The following LNPEP variants were observed in gnomAD, a reference collection of about 807,000 sequenced individuals.
LNPEP encodes leucyl-cystinyl aminopeptidase.
A neutral mutation model predicts 120.6 loss-of-function variants in LNPEP; 64 were observed. The ratio of observed to expected loss-of-function variants is 0.53; its 90% CI spans 0.43 to 0.65. The LOEUF is 0.65. Ranked by LOEUF, LNPEP falls within the 30% of genes least tolerant of loss-of-function variation. LNPEP has a pLI of 0.00. For synonymous variants in LNPEP, 435 were observed against 425.4 expected, an observed-to-expected ratio of 1.02 and a Z score of -0.28; for missense variants, 1,057 against 1,200.0, an observed-to-expected ratio of 0.88 and a Z score of 1.76.
At chr5:96,975,894 A>G (rs1250577832) in intron 1 of LNPEP, among the ~76,000 whole-genome samples, 1 of 152,182 alleles carries the variant, frequency 6.6e-6, no homozygotes, top group Non-Finnish European at 1.5e-5. Context: ...AAATGTCTTC[A>G]GTTCTCTTAG....
At chr5:97,024,739 C>A (rs60280354) in intron 15 of LNPEP, 57 bp downstream of exon 15, 1 of 1,499,044 alleles carries the variant, frequency 6.7e-7, no homozygotes, top group Non-Finnish European at 9.1e-7. Flanking sequence ...AAACACTGTG[C>A]TCTTGGTCAG....
At chr5:97,009,288 T>C (rs1790867338) in intron 11 of LNPEP, among the ~76,000 whole-genome samples, 1 of 152,182 alleles carries the variant, frequency 6.6e-6, no homozygotes, top group Non-Finnish European at 1.5e-5. Context: ...TTAGGTTTTT[T>C]AATAACATTC....
In LNPEP at chr5:97,030,620, CTGTGTGTGTGTGTGTGTGTGTGTGTG is replaced by C. The variant is rs3836860; in HGVS notation, c.*2111_*2136del. 3 of 126,280 alleles carry C rather than the reference CTGTGTGTGTGTGTGTGTGTGTGTGTG, an allele frequency of 2.4e-5. No individual in the cohort carries two copies. The highest frequency in any genetic ancestry group is 1.7e-4 in the Admixed American group (2 of 11,938). The allele number at this position is 126,280 out of a possible 1,614,324, so 7.8% of individuals were successfully genotyped here. A position where few individuals can be genotyped will look rare whatever the true frequency, so the allele number is the denominator to read the frequency against. Reference sequence around the variant, plus strand: ...CATTTCTCTCCCTCTCTCTCTCTCTCTGTGTGTGTGTGTGTGTGTGTGTGTGTGTGTGTGTGTGTGTGTGTGTGTAG... The same window carrying C: ...CATTTCTCTCCCTCTCTCTCTCTCTCTGTGTGTGTGTGTGTGTGTGTGTAG... On this transcript the variant is annotated 3_prime_UTR_variant, in exon 18 of 18. Coordinates refer to ENST00000231368, the MANE Select transcript of LNPEP (RefSeq NM_005575.3).
At chr5:96,936,424 G>T in intron 1 of LNPEP, 1 of 395,032 alleles carries the variant, frequency 2.5e-6, no homozygotes, top group Non-Finnish European at 4.5e-6. Flanking sequence ...TGCGGCCGGT[G>T]GGCAAACAGC....
At chr5:97,007,785 A>G (rs1790821557) in intron 11 of LNPEP, among the ~76,000 whole-genome samples, 1 of 152,210 alleles carries the variant, frequency 6.6e-6, no homozygotes, top group Non-Finnish European at 1.5e-5. Context: ...AATATTTCAA[A>G]TCTTAAAGGT....
chr5:96,985,239 T>A, intron 3 of LNPEP, 21 bp downstream of exon 3: 2 of 1,580,042 alleles, frequency 1.3e-6, no homozygotes, highest in Non-Finnish European at 1.7e-6. Context: ...GTTCCTTGAA[T>A]GTAAAAATCT....
chr5:97,032,526 A>G lies in LNPEP; in HGVS notation c.*3993A>G, dbSNP rs1349787623. 1 of 152,086 alleles carries G rather than the reference A, an allele frequency of 6.6e-6. No homozygotes were observed. Among genetic ancestry groups the G allele is most frequent in the Non-Finnish European group, 1.5e-5 (1 of 68,030 alleles). 9.4% of individuals were successfully genotyped at this position (152,086 alleles called of 1,614,324 possible). A position where few individuals can be genotyped will look rare whatever the true frequency, so the allele number is the denominator to read the frequency against. On this transcript the variant is annotated 3_prime_UTR_variant, in exon 18 of 18. Transcript: ENST00000231368. ...TAGTTTTTATATTATTTCATTTTGTATATTTTTTTCCTGATGAAGAGTGAT... is the reference window on the plus strand; with the variant it reads ...TAGTTTTTATATTATTTCATTTTGTGTATTTTTTTCCTGATGAAGAGTGAT...
intron 1 of LNPEP, among the ~76,000 whole-genome samples, chr5:96,949,029 G>T (rs146306033): frequency 6.6e-6 from 1 of 152,180 alleles, no homozygotes; most frequent in Non-Finnish European, 1.5e-5. Context: ...ATTAGCAGTG[G>T]TCTAAGATAA....
intron 1 of LNPEP, among the ~76,000 whole-genome samples, chr5:96,975,218 C>G (rs141652730): frequency 6.6e-6 from 1 of 152,242 alleles, no homozygotes; most frequent in Non-Finnish European, 1.5e-5. Context: ...TCAAACATCT[C>G]CACCTGGTTA....
rs1791444971 is a variant in LNPEP at position 97,030,484 on chromosome 5, A to G, written c.*1951A>G. ...CTTTGATACAAAATTTAAATTTTGT[A>G]ACTTCTCAAAATCACTTAAGATTCT... On this transcript the variant is annotated 3_prime_UTR_variant, in exon 18 of 18. Coordinates refer to ENST00000231368, the MANE Select transcript of LNPEP (RefSeq NM_005575.3). 6.6e-6 allele frequency: 1 copy of G among 152,144 alleles called. No individual in the cohort carries two copies. The highest frequency in any genetic ancestry group is 6.5e-5 in the Admixed American group (1 of 15,268). The allele number at this position is 152,144 out of a possible 1,614,324, so 9.4% of individuals were successfully genotyped here. A position where few individuals can be genotyped will look rare whatever the true frequency, so the allele number is the denominator to read the frequency against.
In LNPEP at chr5:96,982,478, T is replaced by C. The variant is rs115687285; in HGVS notation, c.860+2500T>C. 1.9e-3 allele frequency among the ~76,000 whole-genome samples: 296 copies of C among 152,370 alleles called. 1 individual carries two copies. Among genetic ancestry groups the C allele is most frequent in the African/African-American group, 6.8e-3 (284 of 41,598 alleles). On this transcript the variant is annotated intron_variant, in intron 2 of 17. Coordinates refer to ENST00000231368, the MANE Select transcript of LNPEP (RefSeq NM_005575.3). ...AAGGGATTTTTATGTGAGATAGTTATGATTGGATCTCTTAACAACAGTTTA... is the reference window on the plus strand; with the variant it reads ...AAGGGATTTTTATGTGAGATAGTTACGATTGGATCTCTTAACAACAGTTTA...
chr5:96,945,562 T>C (rs946341113), intron 1 of LNPEP, among the ~76,000 whole-genome samples: 3 of 152,188 alleles, frequency 2.0e-5, no homozygotes, highest in Non-Finnish European at 4.4e-5. Context: ...TGTTGTGTGA[T>C]GTTATACTAG....
chr5:96,968,227 T>A (rs1042835104), intron 1 of LNPEP, among the ~76,000 whole-genome samples: 1 of 151,966 alleles, frequency 6.6e-6, no homozygotes, highest in East Asian at 1.9e-4. Flanking sequence ...ATTGTTTTGA[T>A]CTCCTCCTGT....
At chr5:96,972,274 G>A (rs1433970951) in intron 1 of LNPEP, among the ~76,000 whole-genome samples, 1 of 151,956 alleles carries the variant, frequency 6.6e-6, no homozygotes, top group East Asian at 1.9e-4. Context: ...CTTGGTTTTA[G>A]GCTTTGTTAC....
At chr5:96,951,677 A>C (rs1253982989) in intron 1 of LNPEP, among the ~76,000 whole-genome samples, 3 of 152,186 alleles carry the variant, frequency 2.0e-5, no homozygotes. Flanking sequence ...GGATAAAGAA[A>C]ATTACTTTTC....
chr5:96,988,434 G>C lies in LNPEP; in HGVS notation c.1131+1764G>C, dbSNP rs373588911. On this transcript the variant is annotated intron_variant, in intron 4 of 17. Coordinates refer to ENST00000231368, the MANE Select transcript of LNPEP (RefSeq NM_005575.3). The stretch of plus-strand genomic sequence containing the variant: ...GTTCACCACAACCTCTGCCTCCCGG[G>C]TTCAAGCAATTCTCCTGCCTCAGCC... Among the ~76,000 whole-genome samples, 34 of 148,554 alleles carry C rather than the reference G, an allele frequency of 2.3e-4. No homozygotes were observed. In the East Asian group the frequency reaches 5.2e-3, roughly 23 times the overall value.
intron 4 of LNPEP, among the ~76,000 whole-genome samples, chr5:96,989,328 AATT>A (rs1218210482): frequency 9.9e-3 from 207 of 21,014 alleles, no homozygotes; most frequent in Non-Finnish European, 0.016. Flanking sequence ...TATAATATAT[AATT>A]ATATATAATA....
In LNPEP at chr5:97,015,042, A is replaced by G; in HGVS notation, c.2323A>G (p.Ile775Val). 6.3e-7 allele frequency: 1 copy of G among 1,597,874 alleles called. No individual in the cohort carries two copies. The highest frequency in any genetic ancestry group is 8.5e-7 in the Non-Finnish European group (1 of 1,172,436). Residue 775 changes from isoleucine (I) to valine (V), a missense_variant, in exon 13 of 18, where the codon ATC becomes GTC. Transcript: ENST00000231368. ...CGAAGCCCTGTTTCAGACAGACCTC[A>G]TCTATAACCTCCTTGAAAAACTGGG... Reference protein sequence around the residue: ...ITEALFQTDLIYNLLEKLGYM... With the variant: ...ITEALFQTDLVYNLLEKLGYM...
At chr5:97,006,607 C>T (rs1039349115) in intron 11 of LNPEP, 92 bp downstream of exon 11, 1 of 734,048 alleles carries the variant, frequency 1.4e-6, no homozygotes. Context: ...CCAGTGTGCA[C>T]ACTCTCTGAA....
Sources: gnomAD v4.1 joint callset for allele counts (sites outside exome capture counted in the v4.1 genomes callset) on GRCh38, gnomAD v4.1.1 for gene constraint, MANE v1.5 for transcripts, NCBI Gene and HGNC (gene_info 2026-07-23, HGNC 2026-07-21) for gene names.